Variants in ACCSL observed in about 807,000 individuals in gnomAD.
ACCSL encodes probable inactive 1-aminocyclopropane-1-carboxylate synthase-like protein 2.
In ACCSL, 55 loss-of-function variants were observed where a neutral mutation model predicts 61.7. The observed-to-expected ratio is 0.89, with a 90% CI of 0.72 to 1.12. ACCSL has a LOEUF of 1.12. Among genes scored for constraint, ACCSL ranks in the 50% most tolerant of loss-of-function variants. The pLI, the probability that ACCSL is intolerant of heterozygous loss-of-function variation, is 0.00. For synonymous variants in ACCSL, 258 were observed against 264.3 expected (o/e 0.98, Z 0.23); for missense variants, 632 against 698.0 (o/e 0.91, Z 1.07).
the ACCSL span, among the ~76,000 whole-genome samples, chr11:43,978,783 G>GTTTTTTT: frequency 3.8e-5 from 3 of 79,114 alleles, no homozygotes; most frequent in Admixed American, 1.7e-4. Flanking sequence ...GAGAAGGTGG[G>GTTTTTTT]TTTTTTTTTT....
At chr11:43,930,736 A>G in the ACCSL span, among the ~76,000 whole-genome samples, 2 of 152,210 alleles carry the variant, frequency 1.3e-5, no homozygotes, top group East Asian at 3.9e-4. Context: ...AAAATGGACT[A>G]ATACAAACCA....
chr11:43,921,687 C>G, the ACCSL span, among the ~76,000 whole-genome samples: 1 of 152,156 alleles, frequency 6.6e-6, no homozygotes, highest in African/African-American at 2.4e-5. Flanking sequence ...CATGATCTCC[C>G]CGTGTGGCAG....
At chr11:43,926,423 G>T in the ACCSL span, 2 of 433,896 alleles carry the variant, frequency 4.6e-6, no homozygotes, top group Admixed American at 2.7e-5. Context: ...TTGTTTTCTC[G>T]TTCTTGCAGG....
At chr11:44,019,508 A>C in the ACCSL span, among the ~76,000 whole-genome samples, 2 of 152,146 alleles carry the variant, frequency 1.3e-5, no homozygotes, top group African/African-American at 4.8e-5. Context: ...GGTTTTTGAG[A>C]ACATTTTTCA....
At chr11:43,993,336 G>A in the ACCSL span, among the ~76,000 whole-genome samples, 1 of 152,138 alleles carries the variant, frequency 6.6e-6, no homozygotes, top group Non-Finnish European at 1.5e-5. Flanking sequence ...GGGCCTGAGA[G>A]CTCTCTCAGG....
the ACCSL span, among the ~76,000 whole-genome samples, chr11:43,927,450 T>C: frequency 6.6e-6 from 1 of 152,256 alleles, no homozygotes; most frequent in African/African-American, 2.4e-5. Context: ...TACTAGGCAC[T>C]GCATTCATTG....
the ACCSL span, among the ~76,000 whole-genome samples, chr11:43,987,931 C>T: frequency 1.3e-5 from 2 of 151,914 alleles, no homozygotes; most frequent in Admixed American, 6.6e-5. Context: ...CTTCCCCCAC[C>T]CCCCCGCAGG....
intron 1 of ACCSL, among the ~76,000 whole-genome samples, chr11:44,049,409 G>A (rs1411122523): frequency 1.1e-4 from 12 of 112,540 alleles, no homozygotes; most frequent in Non-Finnish European, 1.7e-4. Context: ...GACAGAGTGG[G>A]ACCCTGTCTC....
the ACCSL span, among the ~76,000 whole-genome samples, chr11:43,987,264 G>A: frequency 6.6e-6 from 1 of 152,188 alleles, no homozygotes; most frequent in African/African-American, 2.4e-5. Context: ...TCCAGGTGGT[G>A]GCCCCTGCCA....
the ACCSL span, among the ~76,000 whole-genome samples, chr11:43,955,903 T>G: frequency 6.6e-6 from 1 of 151,528 alleles, no homozygotes; most frequent in South Asian, 2.1e-4. Flanking sequence ...CAAAATTAGC[T>G]TGGCCTCGGC....
chr11:43,985,279 G>A, the ACCSL span, among the ~76,000 whole-genome samples: 1 of 152,230 alleles, frequency 6.6e-6, no homozygotes, highest in East Asian at 1.9e-4. Context: ...CCTCCAGTGT[G>A]AGAGGTGATG....
the ACCSL span, among the ~76,000 whole-genome samples, chr11:43,970,168 T>C: frequency 6.6e-6 from 1 of 152,072 alleles, no homozygotes. Context: ...AATTAAAAAA[T>C]GAGGTGGGAG....
At chr11:43,970,509 T>A in the ACCSL span, among the ~76,000 whole-genome samples, 1 of 152,296 alleles carries the variant, frequency 6.6e-6, no homozygotes, top group Admixed American at 6.5e-5. Context: ...TAGCCTGTAA[T>A]AAATATTCTG....
At chr11:44,021,871 G>A in the ACCSL span, among the ~76,000 whole-genome samples, 1 of 152,096 alleles carries the variant, frequency 6.6e-6, no homozygotes, top group Admixed American at 6.6e-5. Flanking sequence ...TTGTTGAATA[G>A]GGTGTCCCTT....
the ACCSL span, among the ~76,000 whole-genome samples, chr11:43,975,185 A>G: frequency 2.0e-5 from 3 of 150,908 alleles, no homozygotes; most frequent in African/African-American, 4.9e-5. Context: ...CCAGTGAGGG[A>G]AAAAAAATGG....
chr11:44,041,113 A>G, the ACCSL span, among the ~76,000 whole-genome samples: 1 of 152,258 alleles, frequency 6.6e-6, no homozygotes, highest in South Asian at 2.1e-4. Context: ...ATAATGTTTT[A>G]GCTGTCTTTG....
the ACCSL span, among the ~76,000 whole-genome samples, chr11:43,967,114 TTTTG>T: frequency 6.6e-6 from 1 of 151,818 alleles, no homozygotes; most frequent in African/African-American, 2.4e-5. Context: ...TCTGAAATTG[TTTTG>T]TTTGTTCTTG....
the ACCSL span, among the ~76,000 whole-genome samples, chr11:43,965,773 T>C: frequency 1.3e-5 from 2 of 152,198 alleles, no homozygotes; most frequent in Non-Finnish European, 2.9e-5. Flanking sequence ...ATGAACAGAA[T>C]TGCGAGTTCA....
the ACCSL span, among the ~76,000 whole-genome samples, chr11:43,962,973 T>A: frequency 6.6e-6 from 1 of 152,204 alleles, no homozygotes; most frequent in Non-Finnish European, 1.5e-5. Flanking sequence ...CAGGGACCAC[T>A]CTGTATTGCC....
Sources: allele counts gnomAD v4.1 joint callset (sites outside exome capture counted in the v4.1 genomes callset), GRCh38; gene constraint gnomAD v4.1.1; transcripts MANE v1.5; gene names NCBI Gene and HGNC (gene_info 2026-07-23, HGNC 2026-07-21).